EIF4H: variants seen among roughly 807,000 people sequenced by gnomAD.
EIF4H encodes the protein Williams-Beuren syndrome chromosome region 1.
Under a neutral mutation model 30.6 loss-of-function variants are expected in EIF4H, and 8 were observed. The observed-to-expected ratio is 0.26, with a 90% CI of 0.15 to 0.47. EIF4H has a LOEUF of 0.47. EIF4H is among the 20% of genes least tolerant of loss of function. EIF4H has a pLI of 0.99. For synonymous variants in EIF4H, 106 were observed against 122.7 expected, an observed-to-expected ratio of 0.86 and a Z score of 0.90; for missense variants, 188 against 339.5, an observed-to-expected ratio of 0.55 and a Z score of 3.51.
intron 4 of EIF4H, 110 bp downstream of exon 4, chr7:74,190,028 T>C: frequency 7.8e-7 from 1 of 1,283,884 alleles, no homozygotes; most frequent in Non-Finnish European, 1.1e-6. Context: ...TGTGATAGGT[T>C]CTCGTGAGCT....
chr7:74,195,358 G>C lies in EIF4H; in HGVS notation c.*50G>C. 2 of 1,542,428 alleles carry C rather than the reference G, an allele frequency of 1.3e-6. No individual in the cohort carries two copies. Among genetic ancestry groups the C allele is most frequent in the Non-Finnish European group, 1.8e-6 (2 of 1,142,418 alleles). Reference sequence around the variant, plus strand: ...CGTGGGGGGTTAGAGCAGGACCACAGCCTGGTGAGTCCCCGGGCAGCCGTC... The same window carrying C: ...CGTGGGGGGTTAGAGCAGGACCACACCCTGGTGAGTCCCCGGGCAGCCGTC... On this transcript the variant is annotated 3_prime_UTR_variant, in exon 7 of 7. Transcript: ENST00000265753.
chr7:74,191,869 T>C (rs1427154370), intron 5 of EIF4H, among the ~76,000 whole-genome samples: 3 of 152,106 alleles, frequency 2.0e-5, no homozygotes, highest in Non-Finnish European at 4.4e-5. Flanking sequence ...AAGCTCTGCC[T>C]CCTGGGTTCA....
chr7:74,177,685 G>T (rs567299708), intron 1 of EIF4H, among the ~76,000 whole-genome samples: 1 of 152,318 alleles, frequency 6.6e-6, no homozygotes, highest in East Asian at 1.9e-4. Context: ...CATGTCAAAT[G>T]TCAAGTCGTT....
At chr7:74,175,738 TC>T (rs1348270863) in intron 1 of EIF4H, among the ~76,000 whole-genome samples, 2 of 151,614 alleles carry the variant, frequency 1.3e-5, no homozygotes, top group African/African-American at 4.9e-5. Flanking sequence ...TTTTTTTTTT[TC>T]CTAGTTCCAA....
intron 1 of EIF4H, among the ~76,000 whole-genome samples, chr7:74,183,051 A>G (rs1800998905): frequency 6.6e-6 from 1 of 152,150 alleles, no homozygotes; most frequent in South Asian, 2.1e-4. Flanking sequence ...ACCGAGTCTT[A>G]GGTTTGTGCC....
At chr7:74,190,831 C>G (rs1013202639) in intron 5 of EIF4H, among the ~76,000 whole-genome samples, 2 of 151,594 alleles carry the variant, frequency 1.3e-5, no homozygotes, top group Admixed American at 1.3e-4. Context: ...AGCATCAGTC[C>G]ACACGCCAGG....
chr7:74,194,172 A>G (rs1314091516), intron 5 of EIF4H, among the ~76,000 whole-genome samples: 1 of 152,226 alleles, frequency 6.6e-6, no homozygotes, highest in Non-Finnish European at 1.5e-5. Flanking sequence ...TGTGTAGGGC[A>G]TGGCCAATTT....
chr7:74,190,259 C>T lies in EIF4H; in HGVS notation c.422C>T (p.Ser141Phe). 1 of 1,614,240 alleles carries T rather than the reference C, an allele frequency of 6.2e-7. No individual in the cohort carries two copies. The highest frequency in any genetic ancestry group is 8.5e-7 in the Non-Finnish European group (1 of 1,180,050). ...TGTGTATCCTCAGGAATGGGTAGCTCTCGAGAATCTAGAGGTGGATGGGAT... is the reference window on the plus strand; with the variant it reads ...TGTGTATCCTCAGGAATGGGTAGCTTTCGAGAATCTAGAGGTGGATGGGAT... ...GGPDDRGMGS[S>F]RESRGGWDSR... The change falls in exon 5 of 7, where the codon TCT becomes TTT. Residue 141 changes from serine (S) to phenylalanine (F), a missense_variant. Physicochemically the swap from Ser to Phe is radical, Grantham distance 155. Coordinates refer to ENST00000265753, the MANE Select transcript of EIF4H (RefSeq NM_022170.2).
At chr7:74,190,149 C>T (rs781980684) in intron 4 of EIF4H, 98 bp from the exon 5 acceptor site, 81 of 1,264,690 alleles carry the variant, frequency 6.4e-5, no homozygotes, top group Non-Finnish European at 8.7e-5. Flanking sequence ...ATTGAACCTT[C>T]CATCACTTGA....
At chr7:74,189,605 A>C in intron 2 of EIF4H, 68 bp from the exon 3 acceptor site, 1 of 1,576,074 alleles carries the variant, frequency 6.3e-7, no homozygotes, top group Non-Finnish European at 8.7e-7. Context: ...AAGTAGTATG[A>C]ATAGGATCTT....
At chr7:74,176,550 C>CA (rs1163236951) in intron 1 of EIF4H, among the ~76,000 whole-genome samples, 5 of 152,326 alleles carry the variant, frequency 3.3e-5, no homozygotes, top group Non-Finnish European at 5.9e-5. Context: ...TAAAATGCCT[C>CA]AGACAGGCTC....
chr7:74,189,128 C>G (rs1279086544), intron 2 of EIF4H, among the ~76,000 whole-genome samples: 1 of 152,146 alleles, frequency 6.6e-6, no homozygotes, highest in African/African-American at 2.4e-5. Context: ...GCATCAGGGA[C>G]ACAGGTTGTC....
chr7:74,189,651 G>A (rs370033615), intron 2 of EIF4H, 22 bp from the exon 3 acceptor site: 49 of 1,611,820 alleles, frequency 3.0e-5, no homozygotes, highest in African/African-American at 1.1e-4. Context: ...TGAGGAAATC[G>A]GGGTCTTCTT....
In EIF4H at chr7:74,176,951, T is replaced by C. The variant is rs1048584103; in HGVS notation, c.59+2509T>C. ...AAAGTGCAGAGTAATACTGATTTTA[T>C]ATTTCTAATTGCAACAAAGCTATGA... On this transcript the variant is annotated intron_variant, in intron 1 of 6. Coordinates refer to ENST00000265753, the MANE Select transcript of EIF4H (RefSeq NM_022170.2). 2.6e-5 allele frequency among the ~76,000 whole-genome samples: 4 copies of C among 152,352 alleles called. 1 individual carries two copies. Among genetic ancestry groups the C allele is most frequent in the South Asian group, 2.1e-4 (1 of 4,832 alleles).
At chr7:74,189,959 A>T (rs782506886) in intron 4 of EIF4H, 41 bp downstream of exon 4, 6 of 1,605,426 alleles carry the variant, frequency 3.7e-6, no homozygotes, top group Non-Finnish European at 4.3e-6. Context: ...AAAGATTTGC[A>T]GTATGCCTAC....
At chr7:74,191,194 C>T in intron 5 of EIF4H, 1 of 533,944 alleles carries the variant, frequency 1.9e-6, no homozygotes, top group South Asian at 1.4e-5. Flanking sequence ...TCTTAAAAGT[C>T]CTGTAGCCAG....
intron 1 of EIF4H, among the ~76,000 whole-genome samples, chr7:74,180,164 T>C (rs1468878868): frequency 6.6e-6 from 1 of 152,172 alleles, no homozygotes; most frequent in East Asian, 1.9e-4. Flanking sequence ...ACCACAGCAC[T>C]CAAATCTGGG....
Position 74,190,292 on chromosome 7 carries a change from A to G in EIF4H, c.455A>G (p.Asp152Gly). The G allele has an allele frequency of 6.2e-7, 1 of 1,614,204 alleles. No individual in the cohort carries two copies. The change falls in exon 5 of 7, where the codon GAT becomes GGT. Residue 152 changes from aspartate to glycine, a missense_variant. Asp to Gly is a moderately conservative substitution (Grantham distance 94). Transcript: ENST00000265753. The stretch of plus-strand genomic sequence containing the variant: ...TCTAGAGGTGGATGGGATTCCCGGG[A>G]TGACTTCAATTCTGGTATCAGTATT... ...RESRGGWDSR[D>G]DFNSGFRDDF... is the part of the protein sequence containing the mutation.
intron 1 of EIF4H, among the ~76,000 whole-genome samples, chr7:74,176,331 G>A (rs574252227): frequency 4.6e-4 from 69 of 149,972 alleles, no homozygotes; most frequent in Non-Finnish European, 7.0e-4. Flanking sequence ...TCCACCTCCC[G>A]GGTTTAAGCG....
Sources: allele counts gnomAD v4.1 joint callset (sites outside exome capture counted in the v4.1 genomes callset), GRCh38; gene constraint gnomAD v4.1.1; transcripts MANE v1.5; gene names NCBI Gene and HGNC (gene_info 2026-07-23, HGNC 2026-07-21).